The following OTOGL variants were observed in gnomAD, a reference collection of about 807,000 sequenced individuals.
The protein encoded by OTOGL is otogelin like.
In OTOGL, 285 loss-of-function variants were observed where a neutral mutation model predicts 318.5. The observed-to-expected ratio is 0.89, with a 90% CI of 0.81 to 0.99. The LOEUF is 0.99. Among genes scored for constraint, OTOGL ranks in the 50% least tolerant of loss-of-function variants. The probability of loss-of-function intolerance (pLI) is 0.00; values close to 1 mark genes in which losing one functional copy is unlikely to be tolerated. For missense variants in OTOGL, 2,899 were observed against 2,845.6 expected (o/e 1.02, Z -0.43); for synonymous variants, 987 against 936.5 (o/e 1.05, Z -0.99).
At chr12:80,149,663 C>G (rs892372028) in intron 1 of OTOGL, among the ~76,000 whole-genome samples, 1 of 152,176 alleles carries the variant, frequency 6.6e-6, no homozygotes, top group East Asian at 1.9e-4. Flanking sequence ...GCCCCTCCCC[C>G]AGCCTCGCTG....
In OTOGL at chr12:80,252,101, C is replaced by G; in HGVS notation, c.1185C>G (p.Val395=). The change falls in exon 13 of 59, where the codon GTC becomes GTG. Residue 395 remains valine, a synonymous_variant. Transcript: ENST00000547103. ...ACTDKCDDSF[V]HRDCISCCPP... is the part of the protein sequence containing the mutation. ...CTGATAAATGTGATGATAGCTTTGT[C>G]CATCGGGACTGTATCAGTTGTTGTC... The G allele has an allele frequency of 6.4e-7, 1 of 1,552,352 alleles. No homozygotes were observed. Among genetic ancestry groups the G allele is most frequent in the Non-Finnish European group, 8.7e-7 (1 of 1,146,610 alleles).
chr12:80,266,011 A>G (rs1422922395), intron 20 of OTOGL: 1 of 154,310 alleles, frequency 6.5e-6, no homozygotes, highest in Non-Finnish European at 1.4e-5. Context: ...TTTCTATACT[A>G]TGAGCCAGTT....
chr12:80,254,492 C>T, intron 14 of OTOGL, 32 bp from the exon 15 acceptor site: 2 of 1,563,958 alleles, frequency 1.3e-6, no homozygotes, highest in Non-Finnish European at 8.8e-7. Context: ...TTCTCTATGC[C>T]AATAGATTAA....
chr12:80,155,535 T>G (rs751096368), intron 1 of OTOGL, among the ~76,000 whole-genome samples: 8 of 152,240 alleles, frequency 5.3e-5, no homozygotes, highest in Non-Finnish European at 1.2e-4. Flanking sequence ...TGAGATGTTT[T>G]GATGCAGGCA....
chr12:80,321,965 G>C (rs1314520136), intron 34 of OTOGL, among the ~76,000 whole-genome samples: 1 of 152,192 alleles, frequency 6.6e-6, no homozygotes, highest in Non-Finnish European at 1.5e-5. Flanking sequence ...GCAGCTGAGG[G>C]ACCCTGAAAG....
At chr12:80,316,016 C>A (rs1368276279) in intron 32 of OTOGL, among the ~76,000 whole-genome samples, 1 of 152,066 alleles carries the variant, frequency 6.6e-6, no homozygotes, top group East Asian at 1.9e-4. Flanking sequence ...ATTTAAACTT[C>A]AAAATATGTC....
chr12:80,342,762 C>T (rs1888863552), intron 44 of OTOGL, among the ~76,000 whole-genome samples: 1 of 152,144 alleles, frequency 6.6e-6, no homozygotes, highest in South Asian at 2.1e-4. Flanking sequence ...ATAGGGCGCT[C>T]TCCTTGCCCT....
At chr12:80,306,813 TTATTA>T (rs1886147141) in intron 29 of OTOGL, among the ~76,000 whole-genome samples, 1 of 148,182 alleles carries the variant, frequency 6.7e-6, no homozygotes, top group South Asian at 2.1e-4. Flanking sequence ...ATTATTATTA[TTATTA>T]TTTTTTAATT....
intron 1 of OTOGL, among the ~76,000 whole-genome samples, chr12:80,195,502 A>G (rs1363416812): frequency 1.3e-5 from 2 of 152,258 alleles, no homozygotes; most frequent in African/African-American, 2.4e-5. Context: ...GAAGGCAGAC[A>G]AGGAGTTAAA....
At chr12:80,119,218 G>A (rs750573310) in intron 1 of OTOGL, among the ~76,000 whole-genome samples, 16 of 152,158 alleles carry the variant, frequency 1.1e-4, no homozygotes, top group Admixed American at 9.2e-4. Flanking sequence ...AGTGAAATAC[G>A]ATTCTGAGTT....
intron 1 of OTOGL, among the ~76,000 whole-genome samples, chr12:80,107,361 A>G (rs1361723568): frequency 1.3e-5 from 2 of 152,354 alleles, no homozygotes; most frequent in East Asian, 3.9e-4. Context: ...AATGCAAATC[A>G]AAACCACAAT....
intron 1 of OTOGL, among the ~76,000 whole-genome samples, chr12:80,180,526 G>T (rs961586859): frequency 6.6e-6 from 1 of 152,202 alleles, no homozygotes; most frequent in Non-Finnish European, 1.5e-5. Flanking sequence ...GAACACTAAG[G>T]GCAGTGCTAT....
intron 24 of OTOGL, among the ~76,000 whole-genome samples, chr12:80,273,890 A>G (rs1262401403): frequency 3.3e-5 from 5 of 152,026 alleles, no homozygotes; most frequent in Non-Finnish European, 7.4e-5. Context: ...GTAATCTGTA[A>G]ACAGTGAACT....
intron 11 of OTOGL, among the ~76,000 whole-genome samples, chr12:80,246,113 G>A (rs1880856202): frequency 6.6e-6 from 1 of 151,632 alleles, no homozygotes; most frequent in African/African-American, 2.4e-5. Context: ...TGCAAACAGG[G>A]ACAATTTTAC....
intron 26 of OTOGL, among the ~76,000 whole-genome samples, chr12:80,295,101 AAAC>A (rs1397234975): frequency 4.6e-5 from 7 of 151,584 alleles, no homozygotes; most frequent in Admixed American, 3.9e-4. Flanking sequence ...CCCATCTGAA[AAAC>A]AACAACAACA....
chr12:80,251,685 C>A lies in OTOGL; in HGVS notation c.1053-8C>A. Reference sequence around the variant, plus strand: ...ATGTGATTCTGGCTCTGTCTTTTCACTTTCTAGAACTGATGATGATGAAAC... The same window carrying A: ...ATGTGATTCTGGCTCTGTCTTTTCAATTTCTAGAACTGATGATGATGAAAC... On this transcript the variant is annotated splice_polypyrimidine_tract_variant and splice_region_variant and intron_variant, in intron 11 of 58. Coordinates refer to ENST00000547103, the MANE Select transcript of OTOGL (RefSeq NM_001378609.3). 6.4e-7 allele frequency: 1 copy of A among 1,572,038 alleles called. No homozygotes were observed. The highest frequency in any genetic ancestry group is 8.6e-7 in the Non-Finnish European group (1 of 1,156,088).
At chr12:80,295,715 G>A (rs575554387) in intron 26 of OTOGL, among the ~76,000 whole-genome samples, 95 of 152,274 alleles carry the variant, frequency 6.2e-4, no homozygotes, top group African/African-American at 2.2e-3. Flanking sequence ...ACCACTTTGA[G>A]AATTTGACAA....
chr12:80,340,262 C>T (rs974190188), intron 43 of OTOGL, among the ~76,000 whole-genome samples: 2 of 151,984 alleles, frequency 1.3e-5, no homozygotes, highest in African/African-American at 4.8e-5. Context: ...ATCCAAATTT[C>T]CTGTTTAAAA....
At position 80,353,380 on chromosome 12, in the gene OTOGL, A is replaced by G. The variant is rs778755555; in HGVS notation, c.5463A>G (p.Ala1821=). 4.6e-5 allele frequency: 74 copies of G among 1,602,038 alleles called. No individual in the cohort carries two copies. Among genetic ancestry groups the G allele is most frequent in the Non-Finnish European group, 5.9e-5 (69 of 1,174,048 alleles). Residue 1821 remains alanine, a synonymous_variant, in exon 46 of 59, where the codon GCA becomes GCG. Coordinates refer to ENST00000547103, the MANE Select transcript of OTOGL (RefSeq NM_001378609.3). ...AACCCTGTGTGCGACCTTGTGAAGC[A>G]AGAACATGCCTGAACCAATGGTTCT... ...EYQPCVRPCE[A]RTCLNQWFYG...
Sources: allele counts gnomAD v4.1 joint callset (sites outside exome capture counted in the v4.1 genomes callset), GRCh38; gene constraint gnomAD v4.1.1; transcripts MANE v1.5; gene names NCBI Gene and HGNC (gene_info 2026-07-23, HGNC 2026-07-21).